PRKCE: variants seen among roughly 807,000 people sequenced by gnomAD.
PRKCE encodes the protein protein kinase C epsilon type.
Under a neutral mutation model 85.4 loss-of-function variants are expected in PRKCE, and 16 were observed. The ratio of observed to expected loss-of-function variants is 0.19; its 90% CI spans 0.13 to 0.28. PRKCE has a LOEUF of 0.28. Among genes scored for constraint, PRKCE ranks in the 10% least tolerant of loss-of-function variants. The pLI is 1.00. For synonymous variants in PRKCE, 388 were observed against 371.5 expected (o/e 1.04, Z -0.51); for missense variants, 573 against 975.2 (o/e 0.59, Z 5.49).
At chr2:45,851,530 A>G (rs1016903860) in intron 2 of PRKCE, among the ~76,000 whole-genome samples, 6 of 152,230 alleles carry the variant, frequency 3.9e-5, no homozygotes, top group Non-Finnish European at 8.8e-5. Flanking sequence ...CTCTGGGGAA[A>G]GGAAAGGGAA....
rs536917013 is a variant in PRKCE at position 45,752,069 on chromosome 2, G to A, written c.349-90931G>A. On this transcript the variant is annotated intron_variant, in intron 1 of 14. Coordinates refer to ENST00000306156, the MANE Select transcript of PRKCE (RefSeq NM_005400.3). The stretch of plus-strand genomic sequence containing the variant: ...GCTGACCTCGTGATCCGCCCGCCTC[G>A]GCCTTCCAAAGTGCTGGGATTACAG... Among the ~76,000 whole-genome samples, 27 of 151,202 alleles carry A rather than the reference G, an allele frequency of 1.8e-4. No homozygotes were observed. The East Asian group carries it at 3.1e-3, about 17-fold the overall frequency.
In PRKCE at chr2:45,685,166, T is replaced by C. The variant is rs1188276141; in HGVS notation, c.348+32718T>C. On this transcript the variant is annotated intron_variant, in intron 1 of 14. Coordinates refer to ENST00000306156, the MANE Select transcript of PRKCE (RefSeq NM_005400.3). ...TGGCTGAAGGGAAGAGCTAACATTC[T>C]ATCTGCATGGAAAAGTAAAGGAAGA... Among the ~76,000 whole-genome samples, 5 of 152,202 alleles carry C rather than the reference T, an allele frequency of 3.3e-5. No individual in the cohort carries two copies. The South Asian group carries it at 1.0e-3, about 32-fold the overall frequency.
chr2:45,683,381 C>A (rs1435074298), intron 1 of PRKCE, among the ~76,000 whole-genome samples: 1 of 152,162 alleles, frequency 6.6e-6, no homozygotes, highest in African/African-American at 2.4e-5. Flanking sequence ...TCTTTGGAAT[C>A]GTCATAGGAG....
At chr2:45,845,215 G>T (rs984463645) in intron 2 of PRKCE, among the ~76,000 whole-genome samples, 2 of 152,014 alleles carry the variant, frequency 1.3e-5, no homozygotes, top group Admixed American at 6.5e-5. Flanking sequence ...GACTGTGAGG[G>T]TTCCTAGCCT....
chr2:45,750,969 A>G (rs1220181865), intron 1 of PRKCE, among the ~76,000 whole-genome samples: 2 of 152,126 alleles, frequency 1.3e-5, no homozygotes, highest in African/African-American at 4.8e-5. Context: ...CCCTTCTGCT[A>G]GCTTTGTGTT....
At chr2:45,822,462 G>T (rs1447650153) in intron 1 of PRKCE, among the ~76,000 whole-genome samples, 1 of 152,230 alleles carries the variant, frequency 6.6e-6, no homozygotes, top group Non-Finnish European at 1.5e-5. Flanking sequence ...CCTGCCTGCA[G>T]GGTCGTGGCT....
At chr2:45,884,968 TATATATATATATATATATATATA>T (rs774949966) in intron 2 of PRKCE, among the ~76,000 whole-genome samples, 6 of 60,616 alleles carry the variant, frequency 9.9e-5, no homozygotes, top group East Asian at 8.5e-3. Flanking sequence ...TATATATATA[TATATATATATATATATATATATA>T]TATATATATA....
chr2:45,699,142 G>A (rs141113987), intron 1 of PRKCE, among the ~76,000 whole-genome samples: 29 of 151,876 alleles, frequency 1.9e-4, no homozygotes, highest in African/African-American at 6.0e-4. Flanking sequence ...TCTGCCTTGT[G>A]CCCCCAACTC....
chr2:45,867,208 C>G (rs1479888500), intron 2 of PRKCE, among the ~76,000 whole-genome samples: 2 of 152,308 alleles, frequency 1.3e-5, no homozygotes, highest in Admixed American at 6.5e-5. Context: ...TGGAAAGTGT[C>G]AAGCACCAAA....
At chr2:46,132,363 G>T (rs1434401032) in intron 11 of PRKCE, among the ~76,000 whole-genome samples, 3 of 152,138 alleles carry the variant, frequency 2.0e-5, no homozygotes, top group African/African-American at 4.8e-5. Context: ...CATGTCCAGT[G>T]AGGTGCTTCC....
chr2:46,122,888 T>TG (rs1673450193), intron 11 of PRKCE, among the ~76,000 whole-genome samples: 2 of 149,238 alleles, frequency 1.3e-5, no homozygotes, highest in Non-Finnish European at 1.5e-5. Flanking sequence ...TGGGTTTTTT[T>TG]TTTTTTTTTT....
intron 10 of PRKCE, among the ~76,000 whole-genome samples, chr2:46,037,520 G>GCGAA (rs1234344845): frequency 4.6e-4 from 70 of 152,244 alleles, no homozygotes; most frequent in African/African-American, 1.6e-3. Context: ...TATCCCTCAG[G>GCGAA]CGAACGCTTC....
Position 45,652,431 on chromosome 2 carries a change from C to G in PRKCE, c.331C>G (p.Arg111Gly). ...TGAGGAGCTGCTGCAGAACGGGAGC[C>G]GCCACTTCGAGGACTGGGTGAGTGC... is the stretch of plus-strand genomic sequence containing the variant. ...QFEELLQNGS[R>G]HFEDWIDLEP... Residue 111 changes from arginine (R) to glycine (G), a missense_variant, in exon 1 of 15, where the codon CGC becomes GGC. Around this residue, in one of 11 missense-constraint regions of PRKCE, gnomAD observed 100 missense variants for 177.1 expected, o/e 0.56. Transcript: ENST00000306156. This position sits in a 1 kb window ranked among gnomAD's most constrained non-coding sequence, Gnocchi z 7.7. 1 of 1,608,850 alleles carries G rather than the reference C, an allele frequency of 6.2e-7. No homozygotes were observed. The highest frequency in any genetic ancestry group is 8.5e-7 in the Non-Finnish European group (1 of 1,179,174).
intron 1 of PRKCE, 81 bp from the exon 2 acceptor site, chr2:45,842,919 G>T: frequency 7.6e-7 from 1 of 1,311,738 alleles, no homozygotes; most frequent in Non-Finnish European, 1.1e-6. Flanking sequence ...GGTTTTAGCA[G>T]TTTGGGGTAG....
At chr2:45,776,328 A>T (rs1484446695) in intron 1 of PRKCE, among the ~76,000 whole-genome samples, 1 of 152,180 alleles carries the variant, frequency 6.6e-6, no homozygotes, top group African/African-American at 2.4e-5. Context: ...AGACATCATT[A>T]CTTGAATCCC....
intron 11 of PRKCE, among the ~76,000 whole-genome samples, chr2:46,127,966 A>C (rs1674022420): frequency 1.3e-5 from 2 of 152,248 alleles, no homozygotes; most frequent in Middle Eastern, 3.2e-3. Context: ...CAAAAGTCAC[A>C]GGAGTATCAG....
At chr2:46,118,588 T>A (rs1380512201) in intron 11 of PRKCE, among the ~76,000 whole-genome samples, 1 of 152,212 alleles carries the variant, frequency 6.6e-6, no homozygotes, top group Non-Finnish European at 1.5e-5. Flanking sequence ...GACTATTATA[T>A]GATAATCACT....
chr2:46,163,129 G>A (rs1677942200), intron 14 of PRKCE, among the ~76,000 whole-genome samples: 1 of 152,242 alleles, frequency 6.6e-6, no homozygotes, highest in African/African-American at 2.4e-5. Flanking sequence ...CCTAGCTCAG[G>A]TACCAGCAGT....
chr2:45,922,387 A>C (rs1484227190), intron 2 of PRKCE, among the ~76,000 whole-genome samples: 1 of 152,168 alleles, frequency 6.6e-6, no homozygotes, highest in Non-Finnish European at 1.5e-5. Context: ...TCCAAAGTCA[A>C]GCCCCCTTAT....
Sources: gnomAD v4.1 joint callset for allele counts (sites outside exome capture counted in the v4.1 genomes callset) on GRCh38, gnomAD v4.1.1 for gene constraint, gnomAD v4.1.1 regional missense constraint, Gnocchi (gnomAD v3.1) non-coding constraint, MANE v1.5 for transcripts, NCBI Gene and HGNC (gene_info 2026-07-23, HGNC 2026-07-21) for gene names.